SIPA1L3: variants seen among roughly 807,000 people sequenced by gnomAD.
The protein encoded by SIPA1L3 is signal-induced proliferation-associated 1-like protein 3.
A neutral mutation model predicts 150.1 loss-of-function variants in SIPA1L3; 59 were observed. That is an observed-to-expected ratio of 0.39 (90% CI 0.32 to 0.49). The LOEUF is 0.49. Among genes scored for constraint, SIPA1L3 ranks in the 20% least tolerant of loss-of-function variants. The pLI is 0.86. For missense variants in SIPA1L3, 2,211 were observed against 2,489.5 expected (o/e 0.89, Z 2.38); for synonymous variants, 1,070 against 1,077.6 (o/e 0.99, Z 0.14).
Position 38,201,926 on chromosome 19 carries a change from A to G in SIPA1L3, c.5049A>G (p.Ala1683=). The change falls in exon 20 of 22, where the codon GCA becomes GCG. Residue 1683 remains alanine (A), a synonymous_variant. Transcript: ENST00000222345. ...DPALSPDIPP[A]HSPVHSHLSL... ...CCCTGAGCCCGGACATCCCGCCTGC[A>G]CACAGTCCTGTCCACAGCCACCTGA... The G allele has an allele frequency of 6.2e-7, 1 of 1,614,004 alleles. No individual in the cohort carries two copies. Among genetic ancestry groups the G allele is most frequent in the Non-Finnish European group, 8.5e-7 (1 of 1,179,968 alleles).
intron 9 of SIPA1L3, among the ~76,000 whole-genome samples, chr19:38,128,623 G>T (rs373254454): frequency 3.5e-5 from 5 of 144,584 alleles, no homozygotes; most frequent in African/African-American, 5.8e-5. Context: ...TTGGCCGGGC[G>T]CAGTGGCTCA....
chr19:38,048,237 A>G (rs1969105810), intron 2 of SIPA1L3, among the ~76,000 whole-genome samples: 1 of 152,142 alleles, frequency 6.6e-6, no homozygotes, highest in Non-Finnish European at 1.5e-5. Context: ...CATCTGGCCA[A>G]TGGTTAAGAC....
intron 1 of SIPA1L3, among the ~76,000 whole-genome samples, chr19:37,915,573 G>T (rs1010904394): frequency 1.3e-5 from 2 of 151,870 alleles, no homozygotes; most frequent in African/African-American, 4.8e-5. Flanking sequence ...GTAGAGATGG[G>T]GTTTCACCAT....
intron 1 of SIPA1L3, among the ~76,000 whole-genome samples, chr19:37,952,201 A>G (rs535387724): frequency 3.2e-4 from 48 of 152,232 alleles, no homozygotes; most frequent in African/African-American, 1.2e-3. Context: ...TGGAAAGGAG[A>G]TGGAAATAAT....
intron 1 of SIPA1L3, among the ~76,000 whole-genome samples, chr19:37,991,102 C>T (rs367745403): frequency 1.2e-4 from 18 of 152,230 alleles, no homozygotes; most frequent in East Asian, 9.6e-4. Flanking sequence ...CGTAGTGGCA[C>T]GTGTCTGTAA....
intron 2 of SIPA1L3, among the ~76,000 whole-genome samples, chr19:38,030,623 A>AATATATAT (rs757828313): frequency 2.2e-3 from 93 of 42,628 alleles, no homozygotes; most frequent in East Asian, 4.7e-3. Flanking sequence ...ATATGTGGCA[A>AATATATAT]ATATATATAT....
chr19:37,941,986 T>C (rs2046663274), intron 1 of SIPA1L3, among the ~76,000 whole-genome samples: 1 of 152,236 alleles, frequency 6.6e-6, no homozygotes, highest in African/African-American at 2.4e-5. Context: ...GGATCAGTTA[T>C]TCATTATATT....
intron 21 of SIPA1L3, 39 bp from the exon 22 acceptor site, chr19:38,206,058 A>C: frequency 6.6e-7 from 1 of 1,509,048 alleles, no homozygotes; most frequent in South Asian, 1.2e-5. Context: ...AGGAGCGGCC[A>C]AGCCCACCCG....
intron 8 of SIPA1L3, among the ~76,000 whole-genome samples, chr19:38,111,773 G>T (rs966965124): frequency 1.3e-5 from 2 of 152,230 alleles, no homozygotes; most frequent in African/African-American, 4.8e-5. Flanking sequence ...CTGCCCATCG[G>T]TTCCTGGAAC....
Position 38,133,462 on chromosome 19 carries a change from A to G in SIPA1L3, c.3143+2690A>G, listed in dbSNP as rs537980321. Among the ~76,000 whole-genome samples, 3 of 152,354 alleles carry G rather than the reference A, an allele frequency of 2.0e-5. No homozygotes were observed. The South Asian group carries it at 6.2e-4, about 32-fold the overall frequency. On this transcript the variant is annotated intron_variant, in intron 10 of 21. Transcript: ENST00000222345. ...AAGACAAGATAAATACAGTTTTCAG[A>G]ATAATGAGTTGGTCCCTAGCAACCT... is the stretch of plus-strand genomic sequence containing the variant.
chr19:37,985,631 A>G (rs1371700432), intron 1 of SIPA1L3, among the ~76,000 whole-genome samples: 2 of 152,200 alleles, frequency 1.3e-5, no homozygotes, highest in Non-Finnish European at 2.9e-5. Flanking sequence ...AAAGATGAAA[A>G]GGAGCCAGTC....
intron 1 of SIPA1L3, among the ~76,000 whole-genome samples, chr19:37,960,341 G>A (rs353420): frequency 0.29 from 43,296 of 151,652 alleles, 7,359 homozygotes; most frequent in East Asian, 0.62. Context: ...GTGTTCAAGC[G>A]ATCCTCCACC....
chr19:37,969,473 A>T (rs968427134), intron 1 of SIPA1L3, among the ~76,000 whole-genome samples: 1 of 151,782 alleles, frequency 6.6e-6, no homozygotes, highest in Middle Eastern at 3.2e-3. Flanking sequence ...AATTGCTTCA[A>T]CCCGGGAGGT....
intron 10 of SIPA1L3, among the ~76,000 whole-genome samples, chr19:38,135,329 G>A (rs570024539): frequency 2.0e-4 from 30 of 152,196 alleles, no homozygotes; most frequent in African/African-American, 6.0e-4. Flanking sequence ...GTCATGCCCC[G>A]GGTGTCTCCG....
chr19:38,192,524 G>A (rs1205193435), intron 17 of SIPA1L3, among the ~76,000 whole-genome samples: 1 of 152,234 alleles, frequency 6.6e-6, no homozygotes, highest in Non-Finnish European at 1.5e-5. Context: ...CACAGGATAA[G>A]CCCAGGCAGG....
rs369976709 is a variant in SIPA1L3, at chr19:38,206,282, C to T, written c.*42C>T. The stretch of plus-strand genomic sequence containing the variant: ...CCGCCTTCGCTCCTTCCCCTCAGGC[C>T]GTGGCCCTGCTGCCTCTCTCCCTCC... On this transcript the variant is annotated 3_prime_UTR_variant, in exon 22 of 22. Coordinates refer to ENST00000222345, the MANE Select transcript of SIPA1L3 (RefSeq NM_015073.3). 350 of 1,500,984 alleles carry T rather than the reference C, an allele frequency of 2.3e-4. 1 individual carries two copies. The highest frequency in any genetic ancestry group is 1.9e-3 in the South Asian group (147 of 76,082). The allele number at this position is 1,500,984 out of a possible 1,614,324, so 93.0% of individuals were successfully genotyped here.
chr19:38,027,726 A>G (rs915568158), intron 1 of SIPA1L3, among the ~76,000 whole-genome samples: 3 of 150,456 alleles, frequency 2.0e-5, no homozygotes, highest in African/African-American at 2.5e-5. Context: ...TATGTTGCCC[A>G]GGCTGGTCTT....
intron 9 of SIPA1L3, among the ~76,000 whole-genome samples, chr19:38,124,989 G>A (rs983988838): frequency 3.3e-5 from 5 of 151,792 alleles, no homozygotes; most frequent in Non-Finnish European, 5.9e-5. Flanking sequence ...GAGGGAGACT[G>A]TGGAAAGAGA....
In SIPA1L3 at chr19:37,924,218, C is replaced by T. The variant is rs145040016; in HGVS notation, c.-379+16860C>T. 1.8e-4 allele frequency among the ~76,000 whole-genome samples: 27 copies of T among 152,104 alleles called. No individual in the cohort carries two copies. The East Asian group carries it at 4.4e-3, about 25-fold the overall frequency. Reference sequence around the variant, plus strand: ...TTTTATTTTTTTGCTTTCTGAGCTGCTTTTAGTAAAAACTAAGACACAAAC... The same window carrying T: ...TTTTATTTTTTTGCTTTCTGAGCTGTTTTTAGTAAAAACTAAGACACAAAC... On this transcript the variant is annotated intron_variant, in intron 1 of 21. Coordinates refer to ENST00000222345, the MANE Select transcript of SIPA1L3 (RefSeq NM_015073.3).
Sources: gnomAD v4.1 joint callset for allele counts (sites outside exome capture counted in the v4.1 genomes callset) on GRCh38, gnomAD v4.1.1 for gene constraint, MANE v1.5 for transcripts, NCBI Gene and HGNC (gene_info 2026-07-23, HGNC 2026-07-21) for gene names.